The following NPAS2 variants were observed in gnomAD, a reference collection of about 807,000 sequenced individuals.
The protein encoded by NPAS2 is neuronal PAS domain protein 2.
Under a neutral mutation model 107.5 loss-of-function variants are expected in NPAS2, and 23 were observed. The observed-to-expected ratio is 0.21, with a 90% CI of 0.15 to 0.30. NPAS2 has a LOEUF of 0.30. Among genes scored for constraint, NPAS2 ranks in the 10% least tolerant of loss-of-function variants. The pLI is 1.00. For missense variants in NPAS2, 756 were observed against 1,043.3 expected, an observed-to-expected ratio of 0.72 and a Z score of 3.79; for synonymous variants, 403 against 417.5, an observed-to-expected ratio of 0.97 and a Z score of 0.42.
At chr2:100,906,851 A>G (rs1655928543) in intron 2 of NPAS2, among the ~76,000 whole-genome samples, 1 of 152,208 alleles carries the variant, frequency 6.6e-6, no homozygotes, top group Non-Finnish European at 1.5e-5. Context: ...CCCATTTTAC[A>G]GGTGAGAAGA....
chr2:100,855,245 T>C (rs7582455), intron 1 of NPAS2, among the ~76,000 whole-genome samples: 123,056 of 152,144 alleles, frequency 0.81, 50,016 homozygotes, highest in African/African-American at 0.87. Flanking sequence ...TTGACATTAT[T>C]TCCTCAGACT....
At chr2:100,850,470 G>A (rs1195148263) in intron 1 of NPAS2, among the ~76,000 whole-genome samples, 1 of 152,068 alleles carries the variant, frequency 6.6e-6, no homozygotes, top group Admixed American at 6.5e-5. Context: ...TCAATAATGT[G>A]CAAAGAAAAA....
intron 2 of NPAS2, among the ~76,000 whole-genome samples, chr2:100,911,982 T>C (rs765995299): frequency 1.2e-4 from 19 of 152,212 alleles, no homozygotes; most frequent in Admixed American, 3.3e-4. Context: ...TTAATGTGCA[T>C]GACCAGCTCT....
chr2:100,877,899 A>G (rs1276563641), intron 1 of NPAS2: 2 of 885,442 alleles, frequency 2.3e-6, no homozygotes, highest in African/African-American at 3.6e-5. Flanking sequence ...GTACAATACC[A>G]GGGACCAAGT....
intron 4 of NPAS2, 53 bp downstream of exon 4, chr2:100,933,054 C>T (rs1684066409): frequency 7.4e-7 from 1 of 1,354,908 alleles, no homozygotes; most frequent in African/African-American, 1.4e-5. Context: ...AATGTAGCTA[C>T]TTGTTGCAGA....
intron 3 of NPAS2, 125 bp downstream of exon 3, chr2:100,925,419 G>A: frequency 2.0e-6 from 2 of 994,070 alleles, no homozygotes; most frequent in South Asian, 1.7e-5. Context: ...CCGGTCGAGG[G>A]CTTCCCATTG....
intron 1 of NPAS2, among the ~76,000 whole-genome samples, chr2:100,874,237 G>A (rs1372084018): frequency 2.0e-5 from 3 of 151,812 alleles, no homozygotes; most frequent in African/African-American, 4.8e-5. Context: ...CGCCTGCCTC[G>A]GCCTCCCAAA....
chr2:100,845,481 G>A (rs1039328512), intron 1 of NPAS2, among the ~76,000 whole-genome samples: 1 of 152,158 alleles, frequency 6.6e-6, no homozygotes, highest in Non-Finnish European at 1.5e-5. Context: ...ACAAACAACA[G>A]ACCCAGCACA....
chr2:100,831,237 G>A (rs985819029), intron 1 of NPAS2, among the ~76,000 whole-genome samples: 1 of 151,986 alleles, frequency 6.6e-6, no homozygotes, highest in Non-Finnish European at 1.5e-5. Flanking sequence ...CGGAGGTTGC[G>A]GTGGACTGAG....
chr2:100,975,945 A>G (rs1676969562), intron 14 of NPAS2, among the ~76,000 whole-genome samples: 1 of 152,132 alleles, frequency 6.6e-6, no homozygotes, highest in Admixed American at 6.5e-5. Context: ...GTCAACAAAA[A>G]TGTACCTCTG....
At chr2:100,856,885 G>T (rs1678606391) in intron 1 of NPAS2, among the ~76,000 whole-genome samples, 1 of 152,180 alleles carries the variant, frequency 6.6e-6, no homozygotes, top group Non-Finnish European at 1.5e-5. Context: ...AGAGCAGGTA[G>T]TAAGACAGCA....
chr2:100,939,783 G>A (rs1384930594), intron 5 of NPAS2, among the ~76,000 whole-genome samples: 2 of 152,188 alleles, frequency 1.3e-5, no homozygotes, highest in African/African-American at 2.4e-5. Context: ...GTTGCTGTAC[G>A]TGGCAGACGG....
At chr2:100,938,394 T>C (rs2104978338) in intron 5 of NPAS2, among the ~76,000 whole-genome samples, 1 of 152,048 alleles carries the variant, frequency 6.6e-6, no homozygotes, top group East Asian at 1.9e-4. Context: ...GTGAGGAGTG[T>C]CTGGGTGGAC....
chr2:100,873,577 G>A (rs1489229173), intron 1 of NPAS2, among the ~76,000 whole-genome samples: 4 of 151,778 alleles, frequency 2.6e-5, no homozygotes, highest in Non-Finnish European at 5.9e-5. Context: ...TGCCAACTCA[G>A]CTACATAGAT....
At chr2:100,891,429 A>C (rs902342550) in intron 1 of NPAS2, among the ~76,000 whole-genome samples, 12 of 152,092 alleles carry the variant, frequency 7.9e-5, no homozygotes, top group African/African-American at 2.9e-4. Flanking sequence ...TGCGGCTCTG[A>C]AGGTCCCACC....
intron 1 of NPAS2, among the ~76,000 whole-genome samples, chr2:100,836,041 A>G (rs1439141878): frequency 6.6e-6 from 1 of 152,146 alleles, no homozygotes; most frequent in Non-Finnish European, 1.5e-5. Context: ...GGCAGTTCAG[A>G]GCATCCTAAC....
In NPAS2 at chr2:100,965,938, G is replaced by A. The variant is rs142753970; in HGVS notation, c.907+172G>A. Among the ~76,000 whole-genome samples, 46 of 152,228 alleles carry A rather than the reference G, an allele frequency of 3.0e-4. No homozygotes were observed. Among genetic ancestry groups the A allele is most frequent in the African/African-American group, 8.9e-4 (37 of 41,538 alleles). On this transcript the variant is annotated intron_variant, in intron 10 of 20. Coordinates refer to ENST00000335681, the MANE Select transcript of NPAS2 (RefSeq NM_002518.4). The surrounding 1 kb of genome is among the most constrained non-coding windows in gnomAD (Gnocchi z 4.3). Reference sequence around the variant, plus strand: ...GGGGCATGGTGGAGGCCCCTTATCCGCGTCTACCCCCATGTCACTGGAATT... The same window carrying A: ...GGGGCATGGTGGAGGCCCCTTATCCACGTCTACCCCCATGTCACTGGAATT...
intron 1 of NPAS2, among the ~76,000 whole-genome samples, chr2:100,833,148 C>G: frequency 6.6e-6 from 1 of 152,112 alleles, no homozygotes. Context: ...GTCTTATGGG[C>G]CAGGGCATTT....
chr2:100,942,196 G>A (rs967702471), intron 5 of NPAS2, among the ~76,000 whole-genome samples: 1 of 152,142 alleles, frequency 6.6e-6, no homozygotes, highest in Non-Finnish European at 1.5e-5. Flanking sequence ...AAGCCCCAGC[G>A]AGAAGAAAAT....
Sources: allele counts gnomAD v4.1 joint callset (sites outside exome capture counted in the v4.1 genomes callset), GRCh38; gene constraint gnomAD v4.1.1; non-coding constraint Gnocchi (gnomAD v3.1); transcripts MANE v1.5; gene names NCBI Gene and HGNC (gene_info 2026-07-23, HGNC 2026-07-21).